PRKCB: variants seen among roughly 807,000 people sequenced by gnomAD.
PRKCB encodes the protein protein kinase C beta, also known as protein kinase C beta type.
Under a neutral mutation model 81.5 loss-of-function variants are expected in PRKCB, and 13 were observed. That is an observed-to-expected ratio of 0.16 (90% CI 0.10 to 0.25). The LOEUF (loss-of-function observed/expected upper bound fraction) is 0.25, where lower values mean the gene tolerates loss of function less well. Among genes scored for constraint, PRKCB ranks in the 10% least tolerant of loss-of-function variants. The pLI, the probability that PRKCB is intolerant of heterozygous loss-of-function variation, is 1.00. For missense variants in PRKCB, 509 were observed against 875.7 expected, an observed-to-expected ratio of 0.58 and a Z score of 5.29; for synonymous variants, 335 against 321.4, an observed-to-expected ratio of 1.04 and a Z score of -0.45.
intron 7 of PRKCB, chr16:24,111,238 G>C (rs530096655): frequency 3.9e-5 from 6 of 152,150 alleles, no homozygotes; most frequent in African/African-American, 1.4e-4. Context: ...TGTCTTCTCT[G>C]CTTTGAATCA....
intron 16 of PRKCB, among the ~76,000 whole-genome samples, chr16:24,194,019 A>G (rs1357215813): frequency 6.6e-6 from 1 of 152,080 alleles, no homozygotes; most frequent in East Asian, 1.9e-4. Context: ...TAAAGTTAAG[A>G]TGTTTATATA....
At chr16:24,024,830 G>A (rs968723421) in intron 3 of PRKCB, among the ~76,000 whole-genome samples, 2 of 152,206 alleles carry the variant, frequency 1.3e-5, no homozygotes, top group African/African-American at 2.4e-5. Flanking sequence ...GCTCAGGCAG[G>A]CATGGAAAGG....
chr16:24,098,566 A>G (rs1966469097), intron 7 of PRKCB: 1 of 152,238 alleles, frequency 6.6e-6, no homozygotes, highest in Admixed American at 6.5e-5. Flanking sequence ...CCTGGCCAAC[A>G]TAGTGAAACC....
chr16:24,127,439 T>C lies in PRKCB; in HGVS notation c.1065+3458T>C, dbSNP rs143592684. On this transcript the variant is annotated intron_variant, in intron 9 of 16. Coordinates refer to ENST00000643927, the MANE Select transcript of PRKCB (RefSeq NM_002738.7). Reference sequence around the variant, plus strand: ...CCACTTACTGCTACTGCTTTCCCTATGTGAACACTTTTATTCAGTTAATTT... The same window carrying C: ...CCACTTACTGCTACTGCTTTCCCTACGTGAACACTTTTATTCAGTTAATTT... Among the ~76,000 whole-genome samples the C allele has an allele frequency of 1.1e-4, 17 of 152,350 alleles. No individual in the cohort carries two copies. The East Asian group carries it at 3.3e-3, about 29-fold the overall frequency.
chr16:24,118,002 G>C lies in PRKCB; in HGVS notation c.918+4933G>C, dbSNP rs554873558. Among the ~76,000 whole-genome samples, 5 of 152,342 alleles carry C rather than the reference G, an allele frequency of 3.3e-5. No homozygotes were observed. In the South Asian group the frequency reaches 1.0e-3, roughly 32 times the overall value. ...CCTATAACCAGAAAATAAGCTACAG[G>C]CAAAGAATCACAGGTGTTTGCTGTT... On this transcript the variant is annotated intron_variant, in intron 8 of 16. Coordinates refer to ENST00000643927, the MANE Select transcript of PRKCB (RefSeq NM_002738.7).
chr16:24,004,478 C>CAAAA (rs71154264), intron 3 of PRKCB, among the ~76,000 whole-genome samples: 58 of 46,954 alleles, frequency 1.2e-3, no homozygotes, highest in East Asian at 1.7e-3. Flanking sequence ...CAAGTCTCTA[C>CAAAA]AAAAAAAAAA....
intron 9 of PRKCB, among the ~76,000 whole-genome samples, chr16:24,125,569 A>C (rs1415991802): frequency 2.0e-5 from 3 of 152,270 alleles, no homozygotes; most frequent in Admixed American, 2.0e-4. Context: ...TTCACTGTCC[A>C]TTATGTTTAA....
chr16:24,177,015 A>G (rs975516553), intron 12 of PRKCB, among the ~76,000 whole-genome samples: 3 of 152,138 alleles, frequency 2.0e-5, no homozygotes, highest in Non-Finnish European at 4.4e-5. Context: ...TTCACTCTAC[A>G]TGATTTTCAA....
intron 16 of PRKCB, among the ~76,000 whole-genome samples, chr16:24,202,831 C>A (rs1274102930): frequency 1.3e-5 from 2 of 149,982 alleles, no homozygotes; most frequent in African/African-American, 5.1e-5. Flanking sequence ...AGGAAAAGTT[C>A]AGAGTGCCTT....
At chr16:24,202,608 A>G (rs1392472185) in intron 16 of PRKCB, among the ~76,000 whole-genome samples, 2 of 152,218 alleles carry the variant, frequency 1.3e-5, no homozygotes, top group African/African-American at 4.8e-5. Context: ...AGAGACACCC[A>G]TTGCAACCAG....
chr16:24,068,676 T>A (rs184524554), intron 5 of PRKCB, among the ~76,000 whole-genome samples: 1 of 152,198 alleles, frequency 6.6e-6, no homozygotes, highest in Non-Finnish European at 1.5e-5. Context: ...GGTATAATTA[T>A]GTAAAAATTG....
At chr16:23,981,278 T>G (rs1434484585) in intron 2 of PRKCB, among the ~76,000 whole-genome samples, 1 of 151,946 alleles carries the variant, frequency 6.6e-6, no homozygotes, top group Non-Finnish European at 1.5e-5. Context: ...AATGGCACAA[T>G]TCCAACCTCT....
In PRKCB at chr16:24,216,267, A is replaced by G. The variant is rs755212283; in HGVS notation, c.*1451A>G. ...AGTCAAGTTTAGAGACCAGCTGGGA[A>G]CGTGAATGGGGCTCTTGATTTTCTT... On this transcript the variant is annotated 3_prime_UTR_variant, in exon 17 of 17. Transcript: ENST00000643927. 56 of 985,320 alleles carry G rather than the reference A, an allele frequency of 5.7e-5. No homozygotes were observed. The highest frequency in any genetic ancestry group is 6.4e-5 in the Non-Finnish European group (53 of 829,944). The allele number at this position is 985,320 out of a possible 1,614,324, so 61.0% of individuals were successfully genotyped here.
At chr16:24,201,208 A>G (rs1967951787) in intron 16 of PRKCB, among the ~76,000 whole-genome samples, 1 of 152,088 alleles carries the variant, frequency 6.6e-6, no homozygotes, top group African/African-American at 2.4e-5. Flanking sequence ...TAGTCTGTCT[A>G]CAGCTTCTCT....
chr16:24,167,395 A>G (rs1280358698), intron 10 of PRKCB, among the ~76,000 whole-genome samples: 2 of 152,130 alleles, frequency 1.3e-5, no homozygotes, highest in African/African-American at 4.8e-5. Flanking sequence ...CCCTGTCTCT[A>G]CAAAAAATAC....
chr16:23,836,189 C>G lies in PRKCB; in HGVS notation c.14C>G (p.Ala5Gly). The change falls in exon 1 of 17, where the codon GCT becomes GGT. Residue 5 changes from alanine to glycine, a missense_variant. This residue lies in a region of PRKCB where 33 missense variants were observed against 21.9 expected (regional missense o/e 1.50). Coordinates refer to ENST00000643927, the MANE Select transcript of PRKCB (RefSeq NM_002738.7). ...CCCGCGCGCAAGATGGCTGACCCGG[C>G]TGCGGGGCCGCCGCCGAGCGAGGGC... MADP[A>G]AGPPPSEGEE... is the part of the protein sequence containing the mutation. 6.4e-7 allele frequency: 1 copy of G among 1,566,680 alleles called. No homozygotes were observed. The highest frequency in any genetic ancestry group is 8.6e-7 in the Non-Finnish European group (1 of 1,159,556).
intron 5 of PRKCB, among the ~76,000 whole-genome samples, chr16:24,073,299 G>C (rs942681405): frequency 1.3e-5 from 2 of 152,170 alleles, no homozygotes; most frequent in African/African-American, 4.8e-5. Context: ...TTGCCCACCT[G>C]TTTGAATCCT....
chr16:23,986,107 A>C (rs1326105737), intron 2 of PRKCB, among the ~76,000 whole-genome samples: 1 of 152,216 alleles, frequency 6.6e-6, no homozygotes, highest in African/African-American at 2.4e-5. Flanking sequence ...GCCATATAAA[A>C]GTACAAAAAA....
At chr16:23,943,983 T>G (rs997266832) in intron 2 of PRKCB, among the ~76,000 whole-genome samples, 1 of 152,252 alleles carries the variant, frequency 6.6e-6, no homozygotes, top group Admixed American at 6.5e-5. Context: ...TGGTTCCTTA[T>G]GGACTTTTAA....
Sources: gnomAD v4.1 joint callset for allele counts (sites outside exome capture counted in the v4.1 genomes callset) on GRCh38, gnomAD v4.1.1 for gene constraint, gnomAD v4.1.1 regional missense constraint, MANE v1.5 for transcripts, NCBI Gene and HGNC (gene_info 2026-07-23, HGNC 2026-07-21) for gene names.